The following PLCL1 variants were observed in gnomAD, a reference collection of about 807,000 sequenced individuals.
The protein encoded by PLCL1 is inactive phospholipase C-like protein 1.
A neutral mutation model predicts 84.4 loss-of-function variants in PLCL1; 41 were observed. The observed-to-expected ratio is 0.49, with a 90% confidence interval of 0.38 to 0.63. PLCL1 has a LOEUF of 0.63. PLCL1 is among the 30% of genes least tolerant of loss of function. The pLI, the probability that PLCL1 is intolerant of heterozygous loss-of-function variation, is 0.00. For missense variants in PLCL1, 1,206 were observed against 1,367.8 expected (o/e 0.88, Z 1.87); for synonymous variants, 490 against 488.3 (o/e 1.00, Z -0.05).
intron 1 of PLCL1, among the ~76,000 whole-genome samples, chr2:197,877,644 G>A (rs1687760177): frequency 6.6e-6 from 1 of 151,974 alleles, no homozygotes; most frequent in South Asian, 2.1e-4. Flanking sequence ...AGGCCTGACT[G>A]GTTTAAAATG....
chr2:198,090,660 A>G (rs1342778009), intron 3 of PLCL1, among the ~76,000 whole-genome samples: 2 of 152,206 alleles, frequency 1.3e-5, no homozygotes, highest in Non-Finnish European at 1.5e-5. Context: ...CATGAAATCA[A>G]CTTTTTCATC....
At chr2:197,853,009 A>G (rs79160180) in intron 1 of PLCL1, among the ~76,000 whole-genome samples, 2,259 of 152,292 alleles carry the variant, frequency 0.015, 63 homozygotes, top group African/African-American at 0.052. Context: ...GCCATGAAAC[A>G]TAAACTCCCC....
At chr2:197,876,409 A>G (rs1687732282) in intron 1 of PLCL1, among the ~76,000 whole-genome samples, 1 of 152,146 alleles carries the variant, frequency 6.6e-6, no homozygotes, top group South Asian at 2.1e-4. Context: ...AAAACTTGAT[A>G]GGTCAGTTAG....
At chr2:197,974,017 C>T (rs570791139) in intron 1 of PLCL1, among the ~76,000 whole-genome samples, 2 of 152,218 alleles carry the variant, frequency 1.3e-5, no homozygotes, top group East Asian at 1.9e-4. Context: ...AGTGTCATGG[C>T]TTTGGGATGT....
chr2:198,107,113 A>AGTCATGG (rs777283203), intron 5 of PLCL1, among the ~76,000 whole-genome samples: 12 of 151,948 alleles, frequency 7.9e-5, no homozygotes, highest in Non-Finnish European at 1.6e-4. Context: ...GGAAACTTAC[A>AGTCATGG]GTCATGGTGC....
At chr2:197,937,942 G>A (rs1026386724) in intron 1 of PLCL1, among the ~76,000 whole-genome samples, 1 of 152,104 alleles carries the variant, frequency 6.6e-6, no homozygotes, top group Non-Finnish European at 1.5e-5. Context: ...GTGTGGCTGT[G>A]CTCACTTTGT....
At chr2:197,836,522 A>G (rs1237355253) in intron 1 of PLCL1, among the ~76,000 whole-genome samples, 1 of 151,530 alleles carries the variant, frequency 6.6e-6, no homozygotes, top group Admixed American at 6.6e-5. Context: ...TCCGTCTTAG[A>G]ATATATAGAA....
At chr2:198,062,170 T>G (rs1320666273) in intron 1 of PLCL1, among the ~76,000 whole-genome samples, 1 of 152,230 alleles carries the variant, frequency 6.6e-6, no homozygotes, top group African/African-American at 2.4e-5. Context: ...CTGCTCCAAA[T>G]CTGCCCTTCA....
chr2:197,909,555 C>T (rs1362610058), intron 1 of PLCL1, among the ~76,000 whole-genome samples: 1 of 152,142 alleles, frequency 6.6e-6, no homozygotes, highest in East Asian at 1.9e-4. Context: ...GCCCCACAGG[C>T]TGACTTTGCA....
Position 198,076,537 on chromosome 2 carries a change from A to G in PLCL1, c.241-7221A>G, listed in dbSNP as rs183211631. ...AAATGCTTTTTTTATTGATCATAAA[A>G]TAACTGTTCAGATCCTTACCAATAA... On this transcript the variant is annotated intron_variant, in intron 1 of 5. Coordinates refer to ENST00000428675, the MANE Select transcript of PLCL1 (RefSeq NM_006226.4). 3.3e-5 allele frequency among the ~76,000 whole-genome samples: 5 copies of G among 152,340 alleles called. No homozygotes were observed. The East Asian group carries it at 9.6e-4, about 29-fold the overall frequency.
intron 1 of PLCL1, among the ~76,000 whole-genome samples, chr2:197,931,029 G>T (rs1688920726): frequency 6.6e-6 from 1 of 152,130 alleles, no homozygotes; most frequent in Admixed American, 6.6e-5. Context: ...TCAGTTGGAG[G>T]GTGGCAGGGC....
chr2:198,073,279 A>G (rs750987234), intron 1 of PLCL1, among the ~76,000 whole-genome samples: 11 of 152,146 alleles, frequency 7.2e-5, no homozygotes, highest in Non-Finnish European at 1.2e-4. Context: ...TGGAGGCTTC[A>G]CTGGGTATGA....
At chr2:198,060,234 C>T (rs1017185371) in intron 1 of PLCL1, among the ~76,000 whole-genome samples, 3 of 152,140 alleles carry the variant, frequency 2.0e-5, no homozygotes, top group East Asian at 1.9e-4. Flanking sequence ...CCATCTTCAC[C>T]GCTGAAAAGT....
At chr2:197,860,152 T>A (rs2105692415) in intron 1 of PLCL1, among the ~76,000 whole-genome samples, 1 of 152,258 alleles carries the variant, frequency 6.6e-6, no homozygotes, top group South Asian at 2.1e-4. Flanking sequence ...CTGTGTTAGT[T>A]TGCTAAGGAT....
In PLCL1 at chr2:198,086,214, T is replaced by G; in HGVS notation, c.2697T>G (p.Asp899Glu). 2.5e-6 allele frequency: 4 copies of G among 1,608,412 alleles called. No homozygotes were observed. Among genetic ancestry groups the G allele is most frequent in the Non-Finnish European group, 3.4e-6 (4 of 1,176,406 alleles). ...TTCATCCATTACGAGAAGCCATAGA[T>G]ATGAGAGAAAATATGCAGGTAGGAG... ...IAVHPLREAI[D>E]MRENMQNAIV... is the part of the protein sequence containing the mutation. Residue 899 changes from aspartate (D) to glutamate (E), a missense_variant, in exon 2 of 6, where the codon GAT becomes GAG. Asp to Glu is a conservative substitution (Grantham distance 45, BLOSUM62 2). Transcript: ENST00000428675.
At position 198,085,180 on chromosome 2, in the gene PLCL1, G is replaced by A; in HGVS notation, c.1663G>A (p.Val555Ile). 6.2e-7 allele frequency: 1 copy of A among 1,613,914 alleles called. No individual in the cohort carries two copies. Among genetic ancestry groups the A allele is most frequent in the Non-Finnish European group, 8.5e-7 (1 of 1,179,894 alleles). ...PSDPDVLEGE[V>I]TDEDEEAEMS... Reference sequence around the variant, plus strand: ...TGATCCAGATGTGTTAGAAGGAGAAGTAACAGATGAAGATGAAGAAGCTGA... The same window carrying A: ...TGATCCAGATGTGTTAGAAGGAGAAATAACAGATGAAGATGAAGAAGCTGA... The change falls in exon 2 of 6, where the codon GTA (valine) becomes ATA (isoleucine). Residue 555 changes from valine (V) to isoleucine (I), a missense_variant. Transcript: ENST00000428675. The surrounding 1 kb of genome is among the most constrained non-coding windows in gnomAD (Gnocchi z 5.3).
At chr2:198,135,961 G>A (rs542851943) in intron 5 of PLCL1, among the ~76,000 whole-genome samples, 1 of 152,182 alleles carries the variant, frequency 6.6e-6, no homozygotes, top group African/African-American at 2.4e-5. Context: ...GAGAGGGGAG[G>A]ATGATGCCTT....
At chr2:198,014,232 G>A (rs1690938930) in intron 1 of PLCL1, among the ~76,000 whole-genome samples, 1 of 152,052 alleles carries the variant, frequency 6.6e-6, no homozygotes, top group African/African-American at 2.4e-5. Flanking sequence ...GAAAAGTTTG[G>A]GGTTGAAAGA....
chr2:197,961,024 C>G (rs759877231), intron 1 of PLCL1, among the ~76,000 whole-genome samples: 2 of 152,036 alleles, frequency 1.3e-5, no homozygotes, highest in African/African-American at 4.8e-5. Flanking sequence ...TATTTTGGAA[C>G]TTGGCATTTG....
Sources: allele counts gnomAD v4.1 joint callset (sites outside exome capture counted in the v4.1 genomes callset), GRCh38; gene constraint gnomAD v4.1.1; non-coding constraint Gnocchi (gnomAD v3.1); transcripts MANE v1.5; gene names NCBI Gene and HGNC (gene_info 2026-07-23, HGNC 2026-07-21).